Variants in DOCK5 observed in about 807,000 individuals in gnomAD.
DOCK5 encodes the protein dedicator of cytokinesis 5.
Under a neutral mutation model 251.8 loss-of-function variants are expected in DOCK5, and 142 were observed. The observed-to-expected ratio is 0.56, with a 90% CI of 0.49 to 0.65. The LOEUF is 0.65. DOCK5 is among the 30% of genes least tolerant of loss of function. The pLI, the probability that DOCK5 is intolerant of heterozygous loss-of-function variation, is 0.00. For missense variants in DOCK5, 2,111 were observed against 2,312.3 expected, an observed-to-expected ratio of 0.91 and a Z score of 1.79; for synonymous variants, 842 against 835.5, an observed-to-expected ratio of 1.01 and a Z score of -0.13.
intron 1 of DOCK5, among the ~76,000 whole-genome samples, chr8:25,199,471 C>T (rs969772121): frequency 1.3e-5 from 2 of 151,018 alleles, no homozygotes; most frequent in Non-Finnish European, 2.9e-5. Flanking sequence ...GCAACCTCCA[C>T]CTCCTGTGTT....
chr8:25,338,165 C>CA (rs1563206785), intron 22 of DOCK5, among the ~76,000 whole-genome samples: 1 of 151,962 alleles, frequency 6.6e-6, no homozygotes, highest in Non-Finnish European at 1.5e-5. Context: ...CCTTAGCCCC[C>CA]CAAGTAGCTG....
intron 7 of DOCK5, among the ~76,000 whole-genome samples, chr8:25,298,640 G>T (rs1269145057): frequency 6.6e-6 from 1 of 152,048 alleles, no homozygotes; most frequent in Non-Finnish European, 1.5e-5. Context: ...TCACTTTGTT[G>T]CCCAGGCTGG....
At chr8:25,302,858 G>A (rs1295483417) in intron 10 of DOCK5, among the ~76,000 whole-genome samples, 10 of 152,196 alleles carry the variant, frequency 6.6e-5, no homozygotes, top group Non-Finnish European at 7.3e-5. Context: ...GGCACCTAGA[G>A]TAGTCAAATT....
chr8:25,399,339 A>G (rs1344908754), intron 45 of DOCK5, among the ~76,000 whole-genome samples: 1 of 152,224 alleles, frequency 6.6e-6, no homozygotes. Flanking sequence ...AGCATTTAAT[A>G]TATTTGAAAT....
chr8:25,188,102 C>A (rs1436836700), intron 1 of DOCK5, among the ~76,000 whole-genome samples: 1 of 152,160 alleles, frequency 6.6e-6, no homozygotes, highest in East Asian at 1.9e-4. Flanking sequence ...CCTAGCTTGT[C>A]TGGTAATTGA....
chr8:25,271,439 C>T (rs367843635), intron 3 of DOCK5, among the ~76,000 whole-genome samples: 3 of 152,162 alleles, frequency 2.0e-5, no homozygotes, highest in East Asian at 3.9e-4. Flanking sequence ...CTTTTGACAC[C>T]CCGTCATTAA....
At chr8:25,246,566 C>T (rs1048414167) in intron 2 of DOCK5, among the ~76,000 whole-genome samples, 2 of 152,182 alleles carry the variant, frequency 1.3e-5, no homozygotes, top group South Asian at 2.1e-4. Context: ...TGTAAGCCAC[C>T]GCACCTGGTC....
At chr8:25,258,476 A>C (rs1803479463) in intron 2 of DOCK5, among the ~76,000 whole-genome samples, 1 of 152,204 alleles carries the variant, frequency 6.6e-6, no homozygotes, top group Non-Finnish European at 1.5e-5. Context: ...CTGTGGAGCT[A>C]GGATGGAGAA....
intron 28 of DOCK5, among the ~76,000 whole-genome samples, chr8:25,360,382 A>G (rs6993700): frequency 0.016 from 2,427 of 152,198 alleles, 29 homozygotes; most frequent in Non-Finnish European, 0.023. Context: ...CCATAGCAAT[A>G]TGTAGATGTG....
At chr8:25,270,913 A>G (rs935132360) in intron 3 of DOCK5, 9 of 665,018 alleles carry the variant, frequency 1.4e-5, no homozygotes, top group Non-Finnish European at 2.2e-5. Flanking sequence ...TCATGTCTAG[A>G]TTATTTATAA....
At chr8:25,210,030 AT>A (rs1563309062) in intron 1 of DOCK5, among the ~76,000 whole-genome samples, 8 of 23,520 alleles carry the variant, frequency 3.4e-4, no homozygotes, top group Admixed American at 4.1e-4. Context: ...ATATATATAT[AT>A]ATAAATGTGT....
chr8:25,409,966 G>A lies in DOCK5; in HGVS notation c.5405-133G>A, dbSNP rs1801590940. The A allele has an allele frequency of 2.1e-5, 15 of 705,968 alleles. No homozygotes were observed. The East Asian group carries it at 2.8e-4, about 13-fold the overall frequency. 43.7% of individuals were successfully genotyped at this position (705,968 alleles called of 1,614,324 possible). On this transcript the variant is annotated intron_variant, in intron 50 of 51. Transcript: ENST00000276440. Reference sequence around the variant, plus strand: ...GTAAGAAGTCTTCTTCGTTCTATCCGCAGAAACCATAGAATGTGGCTTTCA... The same window carrying A: ...GTAAGAAGTCTTCTTCGTTCTATCCACAGAAACCATAGAATGTGGCTTTCA...
In DOCK5 at chr8:25,344,509, A is replaced by T. The variant is rs531990915; in HGVS notation, c.2618-966A>T. 4.6e-5 allele frequency among the ~76,000 whole-genome samples: 7 copies of T among 152,328 alleles called. No homozygotes were observed. In the South Asian group the frequency reaches 1.4e-3, roughly 32 times the overall value. ...TTCCTGGCTTTGCCCCTGGCTAGTTATGTAACTGGACAAATGAGTGGCCTT... is the reference window on the plus strand; with the variant it reads ...TTCCTGGCTTTGCCCCTGGCTAGTTTTGTAACTGGACAAATGAGTGGCCTT... On this transcript the variant is annotated intron_variant, in intron 25 of 51. Coordinates refer to ENST00000276440, the MANE Select transcript of DOCK5 (RefSeq NM_024940.8).
chr8:25,308,060 A>T (rs1804994303), intron 11 of DOCK5, among the ~76,000 whole-genome samples: 1 of 152,202 alleles, frequency 6.6e-6, no homozygotes, highest in African/African-American at 2.4e-5. Context: ...ACTGGCCTAC[A>T]TGCAGTGGAC....
chr8:25,222,764 A>G (rs2117502192), intron 1 of DOCK5, among the ~76,000 whole-genome samples: 1 of 152,296 alleles, frequency 6.6e-6, no homozygotes, highest in Non-Finnish European at 1.5e-5. Context: ...ATGGCAGCTC[A>G]ATGAGACCTT....
chr8:25,372,979 G>T (rs1328106608), intron 35 of DOCK5, among the ~76,000 whole-genome samples: 1 of 150,812 alleles, frequency 6.6e-6, no homozygotes, highest in African/African-American at 2.4e-5. Flanking sequence ...GTGGTTTCTG[G>T]TTACATGGAT....
chr8:25,331,168 A>C (rs1020807568), intron 18 of DOCK5, among the ~76,000 whole-genome samples: 6 of 152,012 alleles, frequency 3.9e-5, no homozygotes, highest in African/African-American at 1.5e-4. Context: ...TAGAAATAGT[A>C]GCTTGATGTA....
In DOCK5 at chr8:25,308,886, A is replaced by G; in HGVS notation, c.1153A>G (p.Lys385Glu). 2 of 1,613,886 alleles carry G rather than the reference A, an allele frequency of 1.2e-6. No homozygotes were observed. The highest frequency in any genetic ancestry group is 4.5e-5 in the East Asian group (2 of 44,870). ...TGAGCCACTCACTTCAGTCTTGAAT[A>G]AAGTGATTGCAGCAAAGGAAGTGAA... is the stretch of plus-strand genomic sequence containing the variant. ...ENEPLTSVLN[K>E]VIAAKEVNHK... The change falls in exon 12 of 52, where the codon AAA becomes GAA. Residue 385 changes from lysine (K) to glutamate (E), a missense_variant. Lys to Glu is a moderately conservative substitution (Grantham distance 56). This residue lies in a region of DOCK5 where 1,717 missense variants were observed against 1,892.4 expected (regional missense o/e 0.91). Coordinates refer to ENST00000276440, the MANE Select transcript of DOCK5 (RefSeq NM_024940.8).
chr8:25,349,263 A>T (rs900864906), intron 26 of DOCK5, among the ~76,000 whole-genome samples: 1 of 152,206 alleles, frequency 6.6e-6, no homozygotes, highest in Non-Finnish European at 1.5e-5. Context: ...GGGGAATGCA[A>T]ATTATTAGTA....
Sources: allele counts gnomAD v4.1 joint callset (sites outside exome capture counted in the v4.1 genomes callset), GRCh38; gene constraint gnomAD v4.1.1; regional missense constraint gnomAD v4.1.1; transcripts MANE v1.5; gene names NCBI Gene and HGNC (gene_info 2026-07-23, HGNC 2026-07-21).